The following RORA variants were observed in gnomAD, a reference collection of about 807,000 sequenced individuals.
RORA encodes the protein RAR related orphan receptor A.
A neutral mutation model predicts 69.5 loss-of-function variants in RORA; 7 were observed. The ratio of observed to expected loss-of-function variants is 0.10; its 90% CI spans 0.06 to 0.19. The LOEUF (loss-of-function observed/expected upper bound fraction) is 0.19. Among genes scored for constraint, RORA ranks in the 10% least tolerant of loss-of-function variants. The pLI, the probability that RORA is intolerant of heterozygous loss-of-function variation, is 1.00. For synonymous variants in RORA, 261 were observed against 240.8 expected, an observed-to-expected ratio of 1.08 and a Z score of -0.78; for missense variants, 457 against 663.0, an observed-to-expected ratio of 0.69 and a Z score of 3.41.
chr15:61,026,402 G>A (rs187734353), intron 1 of RORA, among the ~76,000 whole-genome samples: 30 of 152,250 alleles, frequency 2.0e-4, no homozygotes, highest in African/African-American at 6.5e-4. Context: ...AAATTACAAC[G>A]GTAGCCATTC....
At chr15:61,188,122 C>T (rs534234456) in intron 1 of RORA, among the ~76,000 whole-genome samples, 1 of 152,166 alleles carries the variant, frequency 6.6e-6, no homozygotes, top group Admixed American at 6.5e-5. Flanking sequence ...TGACCCAACC[C>T]CAAGCTGTCT....
intron 1 of RORA, among the ~76,000 whole-genome samples, chr15:61,002,546 G>C (rs1056875164): frequency 2.0e-5 from 3 of 152,064 alleles, no homozygotes; most frequent in African/African-American, 7.2e-5. Context: ...AAATATTAAA[G>C]GGATTGTATT....
intron 2 of RORA, among the ~76,000 whole-genome samples, chr15:60,556,206 G>C (rs1398361810): frequency 6.6e-6 from 1 of 152,080 alleles, no homozygotes; most frequent in Non-Finnish European, 1.5e-5. Flanking sequence ...TCTCATCCTG[G>C]GTGTCTCTCC....
chr15:61,139,654 G>C (rs1450038920), intron 1 of RORA, among the ~76,000 whole-genome samples: 2 of 152,172 alleles, frequency 1.3e-5, no homozygotes, highest in Non-Finnish European at 1.5e-5. Flanking sequence ...TGATGTGCTC[G>C]ATTCCGCAGG....
At position 61,016,398 on chromosome 15, in the gene RORA, C is replaced by T. The variant is rs112474917; in HGVS notation, c.166+212655G>A. Among the ~76,000 whole-genome samples, 602 of 152,224 alleles carry T rather than the reference C, an allele frequency of 4.0e-3. 6 individuals are homozygous for T. The highest frequency in any genetic ancestry group is 0.014 in the African/African-American group (570 of 41,522). ...AAAATCACTGCAGAAAATGGTCTCC[C>T]AGGATAAACAGGTGGCATGCCAACA... On this transcript the variant is annotated intron_variant, in intron 1 of 10. Coordinates refer to ENST00000335670, the MANE Select transcript of RORA (RefSeq NM_134261.3).
intron 1 of RORA, among the ~76,000 whole-genome samples, chr15:60,694,268 C>A (rs983345733): frequency 2.0e-5 from 3 of 152,082 alleles, no homozygotes; most frequent in African/African-American, 7.2e-5. Context: ...GTTTCAGTGG[C>A]CATTAAACTT....
intron 1 of RORA, among the ~76,000 whole-genome samples, chr15:60,695,307 C>G (rs2070886115): frequency 2.0e-5 from 3 of 152,192 alleles, no homozygotes; most frequent in Admixed American, 1.3e-4. Context: ...TCAGGCTACA[C>G]TAACTTAGCC....
intron 1 of RORA, among the ~76,000 whole-genome samples, chr15:60,722,461 G>A (rs1425349536): frequency 6.6e-6 from 1 of 152,202 alleles, no homozygotes; most frequent in Non-Finnish European, 1.5e-5. Flanking sequence ...CCTTATTTGT[G>A]TAGAGGACTT....
intron 2 of RORA, among the ~76,000 whole-genome samples, chr15:60,533,661 T>TC (rs1567066412): frequency 2.0e-5 from 3 of 152,154 alleles, no homozygotes; most frequent in African/African-American, 4.8e-5. Flanking sequence ...TCCTGAAAGG[T>TC]GCTATCAGCT....
At chr15:60,597,619 C>CACAT (rs1199012248) in intron 2 of RORA, among the ~76,000 whole-genome samples, 1 of 20,406 alleles carries the variant, frequency 4.9e-5, no homozygotes, top group African/African-American at 1.7e-4. Context: ...TATATATATA[C>CACAT]ATACATATAT....
intron 1 of RORA, among the ~76,000 whole-genome samples, chr15:61,203,497 G>A (rs535575188): frequency 6.6e-6 from 1 of 152,230 alleles, no homozygotes; most frequent in South Asian, 2.1e-4. Flanking sequence ...TAGAATGAGT[G>A]AACCATTCTG....
chr15:61,029,779 A>G (rs1465141937), intron 1 of RORA, among the ~76,000 whole-genome samples: 1 of 152,154 alleles, frequency 6.6e-6, no homozygotes, highest in African/African-American at 2.4e-5. Context: ...GAGGCCCAAG[A>G]TGTCAGAGGG....
chr15:60,723,992 TC>T (rs1328736469), intron 1 of RORA, among the ~76,000 whole-genome samples: 13 of 152,208 alleles, frequency 8.5e-5, no homozygotes, highest in Non-Finnish European at 1.6e-4. Flanking sequence ...AGATGTTAAT[TC>T]CCTTAAGGCT....
intron 1 of RORA, among the ~76,000 whole-genome samples, chr15:60,779,048 A>G (rs575638657): frequency 1.3e-5 from 2 of 152,180 alleles, no homozygotes; most frequent in South Asian, 4.1e-4. Context: ...ACACTGTGTG[A>G]GGTATGAATT....
At chr15:60,597,389 C>A (rs2068689663) in intron 2 of RORA, among the ~76,000 whole-genome samples, 1 of 149,708 alleles carries the variant, frequency 6.7e-6, no homozygotes, top group Non-Finnish European at 1.5e-5. Flanking sequence ...TGCCTCACTA[C>A]ACACACACCA....
intron 2 of RORA, among the ~76,000 whole-genome samples, chr15:60,535,798 A>G (rs2066657570): frequency 6.6e-6 from 1 of 152,130 alleles, no homozygotes; most frequent in South Asian, 2.1e-4. Flanking sequence ...ATCTACATGT[A>G]TTTGTGCTAA....
At chr15:61,112,113 T>C (rs115768983) in intron 1 of RORA, among the ~76,000 whole-genome samples, 1 of 152,134 alleles carries the variant, frequency 6.6e-6, no homozygotes, top group African/African-American at 2.4e-5. Context: ...AATTGGTCAT[T>C]GTTGGTCTGG....
At chr15:61,118,896 T>G (rs1290538541) in intron 1 of RORA, among the ~76,000 whole-genome samples, 1 of 152,156 alleles carries the variant, frequency 6.6e-6, no homozygotes, top group Non-Finnish European at 1.5e-5. Flanking sequence ...GAGTTCCTCT[T>G]GTCATGTGAA....
intron 2 of RORA, chr15:60,614,928 C>A (rs765084808): frequency 1.2e-6 from 2 of 1,613,912 alleles, no homozygotes; most frequent in Admixed American, 1.7e-5. Context: ...AAGAGAAGAA[C>A]TCCCTTAAAT....
Sources: gnomAD v4.1 joint callset for allele counts (sites outside exome capture counted in the v4.1 genomes callset) on GRCh38, gnomAD v4.1.1 for gene constraint, MANE v1.5 for transcripts, NCBI Gene and HGNC (gene_info 2026-07-23, HGNC 2026-07-21) for gene names.